Variants in KIAA1217 observed in about 807,000 individuals in gnomAD.
The protein encoded by KIAA1217 is KIAA1217.
Under a neutral mutation model 163.9 loss-of-function variants are expected in KIAA1217, and 88 were observed. The ratio of observed to expected loss-of-function variants is 0.54; its 90% CI spans 0.45 to 0.64. The LOEUF (loss-of-function observed/expected upper bound fraction) is 0.64. Among genes scored for constraint, KIAA1217 ranks in the 30% least tolerant of loss-of-function variants. The pLI is 0.00. For synonymous variants in KIAA1217, 903 were observed against 923.1 expected (o/e 0.98, Z 0.39); for missense variants, 2,372 against 2,475.0 (o/e 0.96, Z 0.88).
chr10:24,540,054 A>G (rs1344773564), intron 17 of KIAA1217, among the ~76,000 whole-genome samples: 1 of 152,182 alleles, frequency 6.6e-6, no homozygotes, highest in African/African-American at 2.4e-5. Context: ...TTGCATGACA[A>G]TTATGACCAA....
At chr10:24,167,996 C>G (rs189033222) in intron 2 of KIAA1217, among the ~76,000 whole-genome samples, 2 of 152,280 alleles carry the variant, frequency 1.3e-5, no homozygotes, top group Non-Finnish European at 2.9e-5. Context: ...ACGAAAACAT[C>G]TCTCATGAGG....
chr10:23,737,790 G>T (rs908123286), intron 1 of KIAA1217, among the ~76,000 whole-genome samples: 3 of 151,774 alleles, frequency 2.0e-5, no homozygotes, highest in Non-Finnish European at 4.4e-5. Context: ...TTTAGGTAGA[G>T]AACTGATTTC....
chr10:24,497,590 C>T (rs1274554944), intron 8 of KIAA1217, among the ~76,000 whole-genome samples: 2 of 151,850 alleles, frequency 1.3e-5, no homozygotes, highest in Non-Finnish European at 2.9e-5. Flanking sequence ...CGTGGTGGTA[C>T]ATGTTTGTAG....
At position 24,275,645 on chromosome 10, in the gene KIAA1217, G is replaced by GT. The variant is rs778185770; in HGVS notation, c.354+55744dup. ...ATAATGCTTTAGTAGTCTCAAGTATGTTTTTTTTCTCATTAAGCCTTTGCT... is the reference window on the plus strand; with the variant it reads ...ATAATGCTTTAGTAGTCTCAAGTATGTTTTTTTTTCTCATTAAGCCTTTGCT... On this transcript the variant is annotated intron_variant, in intron 2 of 20. Coordinates refer to ENST00000376454, the MANE Select transcript of KIAA1217 (RefSeq NM_019590.5). 18 of 472,916 alleles carry GT rather than the reference G, an allele frequency of 3.8e-5. 1 individual carries two copies. Among genetic ancestry groups the GT allele is most frequent in the South Asian group, 1.4e-4 (9 of 65,212 alleles). The allele number at this position is 472,916 out of a possible 1,614,324, so 29.3% of individuals were successfully genotyped here. A position where few individuals can be genotyped will look rare whatever the true frequency, so the allele number is the denominator to read the frequency against.
At chr10:23,735,151 A>T (rs530834373) in intron 1 of KIAA1217, among the ~76,000 whole-genome samples, 1 of 152,326 alleles carries the variant, frequency 6.6e-6, no homozygotes, top group East Asian at 1.9e-4. Context: ...TCTCTAAAAC[A>T]TGTTCCTGGG....
At chr10:23,766,961 C>T (rs956150149) in intron 1 of KIAA1217, among the ~76,000 whole-genome samples, 1 of 152,150 alleles carries the variant, frequency 6.6e-6, no homozygotes, top group African/African-American at 2.4e-5. Flanking sequence ...TACCACCTGT[C>T]CTGTGCTAAA....
intron 2 of KIAA1217, among the ~76,000 whole-genome samples, chr10:24,039,718 G>A (rs985216622): frequency 6.6e-6 from 1 of 152,006 alleles, no homozygotes; most frequent in East Asian, 1.9e-4. Context: ...ATATACATAT[G>A]TATGCATACA....
intron 2 of KIAA1217, among the ~76,000 whole-genome samples, chr10:24,310,963 A>C (rs1303394259): frequency 6.6e-6 from 1 of 152,178 alleles, no homozygotes. Flanking sequence ...GTACCACTGC[A>C]CTCCAACCTG....
intron 6 of KIAA1217, among the ~76,000 whole-genome samples, chr10:24,486,817 G>T (rs2065464093): frequency 6.6e-6 from 1 of 151,938 alleles, no homozygotes; most frequent in Non-Finnish European, 1.5e-5. Context: ...ATGTTCGTTG[G>T]TGTCTAAGGT....
intron 5 of KIAA1217, among the ~76,000 whole-genome samples, chr10:24,447,007 C>T (rs2041382478): frequency 6.6e-6 from 1 of 152,094 alleles, no homozygotes; most frequent in Admixed American, 6.6e-5. Flanking sequence ...ATGGGCCTCT[C>T]ATTTCTGAAG....
At chr10:23,777,320 T>C (rs1835048726) in intron 1 of KIAA1217, among the ~76,000 whole-genome samples, 1 of 152,254 alleles carries the variant, frequency 6.6e-6, no homozygotes. Flanking sequence ...TATACAGCTT[T>C]TCTTTTCCTT....
rs538713644 is a variant in KIAA1217 at position 24,021,974 on chromosome 10, CTA to C, written c.-171+14603_-171+14604del. Among the ~76,000 whole-genome samples the C allele has an allele frequency of 2.5e-4, 38 of 151,698 alleles. 1 individual carries two copies. In the South Asian group the frequency reaches 7.9e-3, roughly 31 times the overall value. ...CTACACCTAAATGTAAAACCCAAAA[CTA>C]TAAAATTTCTAAAAGATAATATAGG... On this transcript the variant is annotated intron_variant, in intron 2 of 18. Transcript: ENST00000376462.
chr10:23,851,003 G>A (rs1432123953), intron 1 of KIAA1217, among the ~76,000 whole-genome samples: 1 of 151,486 alleles, frequency 6.6e-6, no homozygotes, highest in African/African-American at 2.4e-5. Context: ...CCAATACTGG[G>A]GATTACAATT....
intron 9 of KIAA1217, among the ~76,000 whole-genome samples, chr10:24,504,915 T>C (rs1433337155): frequency 2.0e-5 from 3 of 152,210 alleles, no homozygotes; most frequent in Admixed American, 6.5e-5. Flanking sequence ...AGCTTGTTCA[T>C]GTTATCTTCT....
intron 1 of KIAA1217, among the ~76,000 whole-genome samples, chr10:23,893,790 C>T (rs1414578588): frequency 2.0e-5 from 3 of 152,138 alleles, no homozygotes; most frequent in Non-Finnish European, 4.4e-5. Flanking sequence ...GCTTATCCAT[C>T]ATGATCAAGT....
At chr10:24,027,425 T>C (rs962146480) in intron 2 of KIAA1217, among the ~76,000 whole-genome samples, 3 of 152,202 alleles carry the variant, frequency 2.0e-5, no homozygotes, top group African/African-American at 7.2e-5. Context: ...GGGGTAGTTC[T>C]GGTTCTTTTT....
At chr10:24,033,099 A>G (rs1589261308) in intron 2 of KIAA1217, among the ~76,000 whole-genome samples, 1 of 152,260 alleles carries the variant, frequency 6.6e-6, no homozygotes, top group Non-Finnish European at 1.5e-5. Context: ...ATTTTATAAC[A>G]TAATGAAGCA....
intron 2 of KIAA1217, among the ~76,000 whole-genome samples, chr10:24,029,130 A>T (rs1206258825): frequency 2.0e-5 from 3 of 152,090 alleles, no homozygotes; most frequent in African/African-American, 4.8e-5. Context: ...TTTGTCTATG[A>T]TTTTTTTAGG....
intron 1 of KIAA1217, among the ~76,000 whole-genome samples, chr10:23,896,356 C>T (rs1337187202): frequency 2.6e-5 from 4 of 152,032 alleles, no homozygotes; most frequent in South Asian, 2.1e-4. Context: ...TTGGCATTCA[C>T]GCATCACACG....
Sources: gnomAD v4.1 joint callset for allele counts (sites outside exome capture counted in the v4.1 genomes callset) on GRCh38, gnomAD v4.1.1 for gene constraint, MANE v1.5 for transcripts, NCBI Gene and HGNC (gene_info 2026-07-23, HGNC 2026-07-21) for gene names.